The following CACNA2D4 variants were observed in gnomAD, a reference collection of about 807,000 sequenced individuals.
CACNA2D4 encodes the protein voltage-dependent calcium channel subunit alpha-2/delta-4.
A neutral mutation model predicts 163.8 loss-of-function variants in CACNA2D4; 157 were observed. The observed-to-expected ratio is 0.96, with a 90% confidence interval of 0.84 to 1.09. The LOEUF (loss-of-function observed/expected upper bound fraction) is 1.09. Among genes scored for constraint, CACNA2D4 ranks in the 50% least tolerant of loss-of-function variants. The probability of loss-of-function intolerance (pLI) is 0.00; values close to 1 mark genes in which losing one functional copy is unlikely to be tolerated. For synonymous variants in CACNA2D4, 598 were observed against 586.9 expected (o/e 1.02, Z -0.27); for missense variants, 1,410 against 1,479.9 (o/e 0.95, Z 0.78).
intron 26 of CACNA2D4, among the ~76,000 whole-genome samples, chr12:1,826,406 C>G (rs1050072379): frequency 5.3e-5 from 3 of 56,922 alleles, no homozygotes; most frequent in African/African-American, 9.7e-5. Flanking sequence ...CAGAGCCCCC[C>G]CCCCCCCCCC....
At chr12:1,904,140 C>T (rs1866600791) in intron 6 of CACNA2D4, among the ~76,000 whole-genome samples, 1 of 151,966 alleles carries the variant, frequency 6.6e-6, no homozygotes, top group Non-Finnish European at 1.5e-5. Flanking sequence ...AACTTCACGT[C>T]GCACTTTTTT....
intron 6 of CACNA2D4, among the ~76,000 whole-genome samples, chr12:1,897,072 T>A (rs1866426790): frequency 8.4e-5 from 2 of 23,904 alleles, no homozygotes; most frequent in Admixed American, 6.6e-4. Context: ...GGCTCTTGCT[T>A]GTAATCCAGC....
chr12:1,799,905 C>T lies in CACNA2D4; in HGVS notation c.2974+95G>A. 1 of 1,388,608 alleles carries T rather than the reference C, an allele frequency of 7.2e-7. No homozygotes were observed. The highest frequency in any genetic ancestry group is 1.0e-6 in the Non-Finnish European group (1 of 1,004,046). 86.0% of individuals were successfully genotyped at this position (1,388,608 alleles called of 1,614,324 possible). On this transcript the variant is annotated intron_variant, in intron 33 of 37. Transcript: ENST00000382722. The surrounding 1 kb of genome is among the most constrained non-coding windows in gnomAD (Gnocchi z 4.7). ...CAACGATGCTTCAGGGTCACCTATC[C>T]CCACTGTCACCCACCCCACAGGGAA...
intron 3 of CACNA2D4, among the ~76,000 whole-genome samples, chr12:1,912,212 C>T (rs569957299): frequency 6.6e-6 from 1 of 152,360 alleles, no homozygotes; most frequent in African/African-American, 2.4e-5. Context: ...GATCTCCTCT[C>T]TCCTTGTTCT....
At chr12:1,801,471 G>C (rs1863326578) in intron 30 of CACNA2D4, 103 bp downstream of exon 30, 1 of 984,376 alleles carries the variant, frequency 1.0e-6, no homozygotes, top group Non-Finnish European at 1.6e-6. Context: ...GGCACCCACT[G>C]TGGGTTTTGG....
In CACNA2D4 at chr12:1,883,109, T is replaced by A; in HGVS notation, c.1352-109A>T. The stretch of plus-strand genomic sequence containing the variant: ...AGATGGCTCATAGCCGAATACTCTC[T>A]GGAAACTGGACCGGGGCACAGGGAG... On this transcript the variant is annotated intron_variant, in intron 12 of 37. Coordinates refer to ENST00000382722, the MANE Select transcript of CACNA2D4 (RefSeq NM_172364.5). This position sits in a 1 kb window ranked among gnomAD's most constrained non-coding sequence, Gnocchi z 4.5. 1 of 1,250,286 alleles carries A rather than the reference T, an allele frequency of 8.0e-7. No individual in the cohort carries two copies. The highest frequency in any genetic ancestry group is 1.1e-6 in the Non-Finnish European group (1 of 907,370). The allele number at this position is 1,250,286 out of a possible 1,614,324, so 77.4% of individuals were successfully genotyped here.
At chr12:1,900,841 G>A (rs996158917) in intron 6 of CACNA2D4, among the ~76,000 whole-genome samples, 4 of 151,970 alleles carry the variant, frequency 2.6e-5, no homozygotes, top group African/African-American at 4.8e-5. Context: ...TCTGCACTAC[G>A]GGCCAAATAG....
In CACNA2D4 at chr12:1,908,017, G is replaced by A; in HGVS notation, c.507C>T (p.Val169=). 1 of 1,613,712 alleles carries A rather than the reference G, an allele frequency of 6.2e-7. No homozygotes were observed. The highest frequency in any genetic ancestry group is 8.5e-7 in the Non-Finnish European group (1 of 1,179,652). Residue 169 remains valine (V), a synonymous_variant, in exon 5 of 38, where the codon GTC becomes GTT. Coordinates refer to ENST00000382722, the MANE Select transcript of CACNA2D4 (RefSeq NM_172364.5). ...ESLVFDYYNS[V]LINERDEKGN... ...CCTTCTCGTCCCTCTCGTTGATCAG[G>A]ACCGAGTTGTAATAGTCGAACTGGG...
chr12:1,907,201 T>G (rs1414111987), intron 6 of CACNA2D4, among the ~76,000 whole-genome samples: 4 of 152,278 alleles, frequency 2.6e-5, no homozygotes, highest in African/African-American at 7.2e-5. Flanking sequence ...GGGCATTCAT[T>G]GACTGGTTTC....
intron 3 of CACNA2D4, among the ~76,000 whole-genome samples, chr12:1,910,643 T>G (rs1320492006): frequency 1.3e-5 from 2 of 152,212 alleles, no homozygotes; most frequent in East Asian, 3.8e-4. Flanking sequence ...ATGTGGGCTA[T>G]GCACACAATG....
At chr12:1,795,638 C>G in intron 36 of CACNA2D4, 30 bp downstream of exon 36, 1 of 1,474,464 alleles carries the variant, frequency 6.8e-7, no homozygotes. Context: ...CCCGCCCCCA[C>G]CGCACACATC....
At chr12:1,914,449 C>A (rs1393726913) in intron 2 of CACNA2D4, among the ~76,000 whole-genome samples, 2 of 152,144 alleles carry the variant, frequency 1.3e-5, no homozygotes, top group Non-Finnish European at 2.9e-5. Context: ...AGGCCACAGC[C>A]CTTTCACCTT....
chr12:1,867,049 G>A (rs1273757060), intron 18 of CACNA2D4, among the ~76,000 whole-genome samples: 1 of 152,128 alleles, frequency 6.6e-6, no homozygotes, highest in South Asian at 2.1e-4. Context: ...TATTTTGTTG[G>A]TTCTTATATA....
rs138835450 is a variant in CACNA2D4, at chr12:1,802,572, A to G, written c.2722-928T>C. 6.6e-6 allele frequency among the ~76,000 whole-genome samples: 1 copy of G among 152,274 alleles called. No homozygotes were observed. Among genetic ancestry groups the G allele is most frequent in the African/African-American group, 2.4e-5 (1 of 41,552 alleles). On this transcript the variant is annotated intron_variant, in intron 29 of 37. Coordinates refer to ENST00000382722, the MANE Select transcript of CACNA2D4 (RefSeq NM_172364.5). The surrounding 1 kb of genome is among the most constrained non-coding windows in gnomAD (Gnocchi z 4.7). ...TGAGTCTGCCATTTCCCAGCATGTC[A>G]GGGTGGCAGAGCTTGGGCTTTGGTG...
Position 1,879,870 on chromosome 12 carries a change from C to T in CACNA2D4, c.1497G>A (p.Ser499=), listed in dbSNP as rs181731184. ...EAYMDSKLLS[S]QAQSLTLLTT... ...TGAGCAGTGTCAGGCTCTGAGCCTG[C>T]GAGCTGAGGAGCTGTAAGGGAGGGG... The change falls in exon 14 of 38, where the codon TCG becomes TCA. Residue 499 remains serine (S), a synonymous_variant. Coordinates refer to ENST00000382722, the MANE Select transcript of CACNA2D4 (RefSeq NM_172364.5). 3.6e-5 allele frequency: 57 copies of T among 1,597,736 alleles called. No homozygotes were observed. In the East Asian group the frequency reaches 5.0e-4, roughly 14 times the overall value.
At chr12:1,856,434 C>T (rs1865401469) in intron 20 of CACNA2D4, among the ~76,000 whole-genome samples, 1 of 152,202 alleles carries the variant, frequency 6.6e-6, no homozygotes, top group Non-Finnish European at 1.5e-5. Flanking sequence ...GTTTCATGTC[C>T]AAATCCTACC....
chr12:1,911,824 C>G (rs1866827160), intron 3 of CACNA2D4, among the ~76,000 whole-genome samples: 1 of 152,154 alleles, frequency 6.6e-6, no homozygotes, highest in African/African-American at 2.4e-5. Context: ...TGTGTTTGAT[C>G]CAAGGAGGCT....
chr12:1,809,275 C>T (rs1474826338), intron 29 of CACNA2D4: 12 of 524,964 alleles, frequency 2.3e-5, no homozygotes, highest in South Asian at 7.7e-5. Flanking sequence ...GCCTTGGCCA[C>T]GACCTCTGCA....
intron 31 of CACNA2D4, 60 bp from the exon 32 acceptor site, chr12:1,800,498 C>CCCA (rs1555174216): frequency 1.3e-6 from 2 of 1,537,838 alleles, no homozygotes; most frequent in Admixed American, 1.7e-5. Flanking sequence ...GTGCCCCCCC[C>CCCA]CCACCACCAG....
Sources: gnomAD v4.1 joint callset for allele counts (sites outside exome capture counted in the v4.1 genomes callset) on GRCh38, gnomAD v4.1.1 for gene constraint, Gnocchi (gnomAD v3.1) non-coding constraint, MANE v1.5 for transcripts, NCBI Gene and HGNC (gene_info 2026-07-23, HGNC 2026-07-21) for gene names.